AOPEP: variants seen among roughly 807,000 people sequenced by gnomAD.
AOPEP encodes aminopeptidase O.
Under a neutral mutation model 98.1 loss-of-function variants are expected in AOPEP, and 77 were observed. That is an observed-to-expected ratio of 0.78 (90% CI 0.65 to 0.95). AOPEP has a LOEUF of 0.95. Among genes scored for constraint, AOPEP ranks in the 40% least tolerant of loss-of-function variants. The probability of loss-of-function intolerance (pLI) is 0.00; values close to 1 mark genes in which losing one functional copy is unlikely to be tolerated. For missense variants in AOPEP, 1,024 were observed against 1,024.7 expected (o/e 1.00, Z 0.01); for synonymous variants, 346 against 365.3 (o/e 0.95, Z 0.60).
chr9:94,974,780 T>C (rs2059739325), intron 10 of AOPEP, among the ~76,000 whole-genome samples: 2 of 152,210 alleles, frequency 1.3e-5, no homozygotes, highest in Admixed American at 6.5e-5. Flanking sequence ...TAGAAACCCA[T>C]GTGTCATGAA....
intron 5 of AOPEP, among the ~76,000 whole-genome samples, chr9:94,819,281 G>A (rs1047887789): frequency 6.6e-5 from 10 of 152,198 alleles, no homozygotes; most frequent in African/African-American, 1.7e-4. Flanking sequence ...AAAGGACTGC[G>A]TGATGGAAAC....
intron 7 of AOPEP, chr9:94,931,584 T>C (rs2055312556): frequency 3.1e-6 from 2 of 637,660 alleles, no homozygotes; most frequent in Non-Finnish European, 5.5e-6. Context: ...AGATTTTGTT[T>C]TCAATGAGAC....
At chr9:95,108,793 A>G in the AOPEP span, among the ~76,000 whole-genome samples, 1 of 152,208 alleles carries the variant, frequency 6.6e-6, no homozygotes, top group Non-Finnish European at 1.5e-5. Flanking sequence ...TCTTTTTTCT[A>G]CGCACTGAGA....
chr9:95,104,481 C>A, the AOPEP span, among the ~76,000 whole-genome samples: 22 of 152,052 alleles, frequency 1.4e-4, no homozygotes, highest in African/African-American at 4.8e-4. Context: ...TGTGGATCCG[C>A]AGCAGGGGCT....
In AOPEP at chr9:94,846,776, G is replaced by A. The variant is rs189173182; in HGVS notation, c.1364+45774G>A. 9.4e-4 allele frequency among the ~76,000 whole-genome samples: 143 copies of A among 152,272 alleles called. 1 individual carries two copies. Among genetic ancestry groups the A allele is most frequent in the Admixed American group, 7.8e-4 (12 of 15,296 alleles). ...TTTTAAAAAGTTAGCTTGCGATGGT[G>A]GTGTGTACATGTGTTCTCAGCTACT... On this transcript the variant is annotated intron_variant, in intron 5 of 16. Coordinates refer to ENST00000375315, the MANE Select transcript of AOPEP (RefSeq NM_001193329.3).
chr9:94,999,186 T>C (rs906246296), intron 11 of AOPEP, among the ~76,000 whole-genome samples: 4 of 151,942 alleles, frequency 2.6e-5, no homozygotes, highest in African/African-American at 9.7e-5. Flanking sequence ...TATTGAGTTA[T>C]CCTCTTCCCT....
At chr9:94,813,442 A>G (rs1325022985) in intron 5 of AOPEP, among the ~76,000 whole-genome samples, 2 of 152,098 alleles carry the variant, frequency 1.3e-5, no homozygotes, top group African/African-American at 4.8e-5. Flanking sequence ...TCCTCTCACA[A>G]ACAAGCTCCA....
intron 1 of AOPEP, among the ~76,000 whole-genome samples, chr9:94,749,404 G>C (rs770771406): frequency 6.6e-6 from 1 of 152,098 alleles, no homozygotes; most frequent in Non-Finnish European, 1.5e-5. Flanking sequence ...AAGGAGGGCT[G>C]TTTCCTTTTG....
chr9:94,800,744 GT>G lies in AOPEP; in HGVS notation c.1119-12del. ...ATAAACATGTTTTACCATTTATTTT[GT>G]GTTATTCCCAGGCATGTTGGTGTTT... On this transcript the variant is annotated splice_polypyrimidine_tract_variant and intron_variant, in intron 4 of 16. Coordinates refer to ENST00000375315, the MANE Select transcript of AOPEP (RefSeq NM_001193329.3). 6.2e-7 allele frequency: 1 copy of G among 1,613,262 alleles called. No individual in the cohort carries two copies. Among genetic ancestry groups the G allele is most frequent in the Non-Finnish European group, 8.5e-7 (1 of 1,179,266 alleles).
chr9:95,140,698 A>G, the AOPEP span, among the ~76,000 whole-genome samples: 3 of 152,158 alleles, frequency 2.0e-5, no homozygotes, highest in East Asian at 5.8e-4. Context: ...ACAAACTCAC[A>G]AAACTTGGAT....
the AOPEP span, chr9:95,117,205 C>G: frequency 1.2e-5 from 11 of 951,974 alleles, no homozygotes; most frequent in Admixed American, 2.1e-4. Flanking sequence ...TAGAAATAAC[C>G]AGTTCTGTCT....
At chr9:94,868,080 T>TTA (rs1156862137) in intron 5 of AOPEP, among the ~76,000 whole-genome samples, 1 of 152,224 alleles carries the variant, frequency 6.6e-6, no homozygotes, top group Non-Finnish European at 1.5e-5. Context: ...TGTTGATGAC[T>TTA]AAGAAAAATT....
intron 2 of AOPEP, among the ~76,000 whole-genome samples, chr9:94,766,469 G>A (rs112706612): frequency 1.1e-4 from 17 of 152,170 alleles, no homozygotes; most frequent in Non-Finnish European, 7.4e-5. Context: ...CCCAGGAGGC[G>A]GAGCTTGCAG....
the AOPEP span, among the ~76,000 whole-genome samples, chr9:95,122,712 C>A: frequency 1.3e-5 from 2 of 152,178 alleles, no homozygotes; most frequent in African/African-American, 4.8e-5. Context: ...AAAAGAGGCG[C>A]GAGCTAACCC....
intron 5 of AOPEP, among the ~76,000 whole-genome samples, chr9:94,806,273 GTTTC>G (rs1311913954): frequency 3.9e-5 from 6 of 152,048 alleles, no homozygotes; most frequent in Non-Finnish European, 7.4e-5. Flanking sequence ...TATTGTTGTC[GTTTC>G]TTTCTCAGAT....
chr9:95,033,442 T>C (rs1006794319), intron 13 of AOPEP, among the ~76,000 whole-genome samples: 6 of 152,144 alleles, frequency 3.9e-5, no homozygotes, highest in African/African-American at 7.2e-5. Context: ...ATAGGTGATA[T>C]GATGAGCCAG....
intron 5 of AOPEP, among the ~76,000 whole-genome samples, chr9:94,887,095 C>G (rs760431362): frequency 6.6e-6 from 1 of 152,064 alleles, no homozygotes; most frequent in East Asian, 1.9e-4. Context: ...AATCCCAGCA[C>G]TTTGGGAGGC....
At chr9:94,903,185 G>A (rs1303476822) in intron 5 of AOPEP, among the ~76,000 whole-genome samples, 1 of 151,746 alleles carries the variant, frequency 6.6e-6, no homozygotes, top group Non-Finnish European at 1.5e-5. Context: ...GTTTTACCAT[G>A]TTGGCCAGGC....
intron 5 of AOPEP, among the ~76,000 whole-genome samples, chr9:94,876,900 C>G (rs2047013622): frequency 1.3e-5 from 2 of 152,200 alleles, no homozygotes; most frequent in Admixed American, 6.5e-5. Flanking sequence ...AGAGGGACAT[C>G]TACCCATCTG....
Sources: allele counts gnomAD v4.1 joint callset (sites outside exome capture counted in the v4.1 genomes callset), GRCh38; gene constraint gnomAD v4.1.1; transcripts MANE v1.5; gene names NCBI Gene and HGNC (gene_info 2026-07-23, HGNC 2026-07-21).